ROPN1B: variants seen among roughly 807,000 people sequenced by gnomAD.
ROPN1B encodes the protein ropporin-1B.
Under a neutral mutation model 23.7 loss-of-function variants are expected in ROPN1B, and 13 were observed. The ratio of observed to expected loss-of-function variants is 0.55; its 90% CI spans 0.36 to 0.87. The LOEUF is 0.87. Among genes scored for constraint, ROPN1B ranks in the 40% least tolerant of loss-of-function variants. The probability of loss-of-function intolerance (pLI) is 0.01; values close to 1 mark genes in which losing one functional copy is unlikely to be tolerated. For missense variants in ROPN1B, 183 were observed against 249.2 expected (o/e 0.73, Z 1.79); for synonymous variants, 67 against 100.4 (o/e 0.67, Z 1.99).
intron 3 of ROPN1B, chr3:125,973,982 T>C (rs1428860739): frequency 6.5e-6 from 1 of 153,772 alleles, no homozygotes; most frequent in Non-Finnish European, 1.5e-5. Flanking sequence ...ACAACTCAAA[T>C]TTGCAATATA....
chr3:125,971,691 T>C (rs1938211681), intron 2 of ROPN1B, among the ~76,000 whole-genome samples: 1 of 152,244 alleles, frequency 6.6e-6, no homozygotes. Context: ...TAAGCTGTTT[T>C]GCATAATCTT....
intron 6 of ROPN1B, among the ~76,000 whole-genome samples, chr3:125,982,895 C>T (rs549134680): frequency 2.0e-5 from 3 of 152,286 alleles, no homozygotes; most frequent in Admixed American, 1.3e-4. Flanking sequence ...CATGGCGGCT[C>T]ACACCTGTAA....
rs772733455 is a variant in ROPN1B at position 125,978,755 on chromosome 3, C to T, written c.396+1590C>T. 5.9e-5 allele frequency among the ~76,000 whole-genome samples: 9 copies of T among 152,230 alleles called. No homozygotes were observed. The South Asian group carries it at 6.2e-4, about 11-fold the overall frequency. On this transcript the variant is annotated intron_variant, in intron 5 of 6. Coordinates refer to ENST00000514116, the MANE Select transcript of ROPN1B (RefSeq NM_001308313.2). ...ATGGTGTCAAGGGCCTCTTTGAGTC[C>T]GCCAGGGTGTGCTATCTGCTCCCTG... is the stretch of plus-strand genomic sequence containing the variant.
intron 2 of ROPN1B, 28 bp from the exon 3 acceptor site, chr3:125,972,015 T>A: frequency 6.2e-7 from 1 of 1,601,526 alleles, no homozygotes; most frequent in East Asian, 2.2e-5. Flanking sequence ...CAAGTTTTCA[T>A]CTTATGTATT....
intron 4 of ROPN1B, among the ~76,000 whole-genome samples, chr3:125,975,988 TCTC>T (rs10540487): frequency 0.17 from 26,462 of 152,146 alleles, 2,419 homozygotes; most frequent in Middle Eastern, 0.26. Flanking sequence ...CTCGACAGTG[TCTC>T]CTTACTGATC....
intron 1 of ROPN1B, chr3:125,970,042 CAGGCACTGGGCT>C (rs2107596140): frequency 6.6e-6 from 1 of 150,834 alleles, no homozygotes; most frequent in African/African-American, 2.4e-5. Flanking sequence ...CACTAAGTTC[CAGGCACTGGGCT>C]AGGCACTGGG....
chr3:125,973,889 CT>C (rs1433436525), intron 3 of ROPN1B: 1 of 153,654 alleles, frequency 6.5e-6, no homozygotes, highest in African/African-American at 2.4e-5. Flanking sequence ...AAGAATTTCC[CT>C]ACATATGTGT....
At chr3:125,981,373 T>C (rs1313599092) in intron 5 of ROPN1B, among the ~76,000 whole-genome samples, 1 of 152,174 alleles carries the variant, frequency 6.6e-6, no homozygotes, top group African/African-American at 2.4e-5. Context: ...TGTGGGAAGA[T>C]ACAGCAGCTG....
At chr3:125,974,064 G>A (rs191028373) in intron 3 of ROPN1B, among the ~76,000 whole-genome samples, 167 of 152,292 alleles carry the variant, frequency 1.1e-3, no homozygotes, top group African/African-American at 3.9e-3. Context: ...CATGATTACA[G>A]CTTTGCTTCC....
At chr3:125,972,324 T>C (rs1408384469) in intron 3 of ROPN1B, 154 bp downstream of exon 3, 2 of 700,404 alleles carry the variant, frequency 2.9e-6, no homozygotes, top group African/African-American at 3.6e-5. Flanking sequence ...TGCTTTAAAA[T>C]CCACACATAA....
In ROPN1B at chr3:125,975,608, G is replaced by A; in HGVS notation, c.162G>A (p.Glu54=). 1.9e-6 allele frequency: 3 copies of A among 1,614,134 alleles called. No individual in the cohort carries two copies. The highest frequency in any genetic ancestry group is 1.6e-4 in the Middle Eastern group (1 of 6,062). Residue 54 remains glutamate, a synonymous_variant, in exon 4 of 7, where the codon GAG becomes GAA. Coordinates refer to ENST00000514116, the MANE Select transcript of ROPN1B (RefSeq NM_001308313.2). ...GTGGAGAGACGCCTCCGGTGAGAGA[G>A]CGGTCTGAGCGAGTCGCTTTGTGTA... The part of the protein sequence containing the change: ...LSRGETPPVR[E]RSERVALCNW...
In ROPN1B at chr3:125,982,320, C is replaced by T. The variant is rs745602801; in HGVS notation, c.447C>T (p.His149=). 1.2e-6 allele frequency: 2 copies of T among 1,613,314 alleles called. No homozygotes were observed. The highest frequency in any genetic ancestry group is 2.2e-5 in the South Asian group (2 of 90,874). The change falls in exon 6 of 7, where the codon CAC becomes CAT. Residue 149 remains histidine, a synonymous_variant. Coordinates refer to ENST00000514116, the MANE Select transcript of ROPN1B (RefSeq NM_001308313.2). ...TGTGTGAGGTCTTATCATGTGACCA[C>T]AATGGTGGGTTGCCCCGAATCCCAT... ...KIVCEVLSCD[H]NGGLPRIPFS...
At chr3:125,983,091 T>G (rs1366061659) in intron 6 of ROPN1B, among the ~76,000 whole-genome samples, 163 bp from the exon 7 acceptor site, 1 of 152,154 alleles carries the variant, frequency 6.6e-6, no homozygotes, top group Non-Finnish European at 1.5e-5. Context: ...TTGCATCACT[T>G]ACTCCAGCCT....
At chr3:125,972,263 G>T (rs1938242653) in intron 3 of ROPN1B, 93 bp downstream of exon 3, 4 of 1,167,020 alleles carry the variant, frequency 3.4e-6, no homozygotes, top group Non-Finnish European at 5.1e-6. Flanking sequence ...TGCAGCCAGG[G>T]GGTCGGGACT....
At chr3:125,978,818 T>C (rs1228554651) in intron 5 of ROPN1B, among the ~76,000 whole-genome samples, 1 of 152,148 alleles carries the variant, frequency 6.6e-6, no homozygotes, top group Non-Finnish European at 1.5e-5. Flanking sequence ...CACCAGTGTG[T>C]GATGTGTCTG....
At chr3:125,971,985 T>C (rs1938223383) in intron 2 of ROPN1B, 58 bp from the exon 3 acceptor site, 9 of 1,525,822 alleles carry the variant, frequency 5.9e-6, no homozygotes, top group African/African-American at 1.4e-5. Context: ...CTGTCCAGGA[T>C]TGCTCTCATC....
intron 6 of ROPN1B, 114 bp downstream of exon 6, chr3:125,982,559 C>G: frequency 1.3e-6 from 1 of 788,328 alleles, no homozygotes; most frequent in Non-Finnish European, 1.9e-6. Context: ...AAAGTGAGGA[C>G]ATGAAATATC....
chr3:125,969,656 G>C (rs1365469343), intron 1 of ROPN1B: 2 of 150,008 alleles, frequency 1.3e-5, no homozygotes, highest in African/African-American at 4.9e-5. Context: ...CCGGAGGACA[G>C]TGGTTGGGAG....
At chr3:125,969,788 A>C (rs1245463282) in intron 1 of ROPN1B, among the ~76,000 whole-genome samples, 2 of 152,308 alleles carry the variant, frequency 1.3e-5, no homozygotes, top group South Asian at 2.1e-4. Context: ...CATACCTAGC[A>C]CTTCATAGAC....
Sources: gnomAD v4.1 joint callset for allele counts (sites outside exome capture counted in the v4.1 genomes callset) on GRCh38, gnomAD v4.1.1 for gene constraint, MANE v1.5 for transcripts, NCBI Gene and HGNC (gene_info 2026-07-23, HGNC 2026-07-21) for gene names.